Variants in SOX5 observed in about 807,000 individuals in gnomAD.
The protein encoded by SOX5 is SRY-box transcription factor 5.
Under a neutral mutation model 92.0 loss-of-function variants are expected in SOX5, and 9 were observed. The ratio of observed to expected loss-of-function variants is 0.10; its 90% CI spans 0.06 to 0.17. The LOEUF (loss-of-function observed/expected upper bound fraction) is 0.17, where lower values mean the gene tolerates loss of function less well. Among genes scored for constraint, SOX5 ranks in the 10% least tolerant of loss-of-function variants. SOX5 has a pLI of 1.00. For missense variants in SOX5, 642 were observed against 944.5 expected, an observed-to-expected ratio of 0.68 and a Z score of 4.20; for synonymous variants, 344 against 336.3, an observed-to-expected ratio of 1.02 and a Z score of -0.25.
chr12:24,152,567 C>T (rs1012238068), intron 4 of SOX5, among the ~76,000 whole-genome samples: 3 of 152,076 alleles, frequency 2.0e-5, no homozygotes, highest in Non-Finnish European at 2.9e-5. Context: ...AATAACAGAA[C>T]ATCACCTTTA....
Position 23,584,730 on chromosome 12 carries a change from A to AGT in SOX5, c.1165-8894_1165-8893dup, listed in dbSNP as rs34653390. 2.5e-3 allele frequency: 1,518 copies of AGT among 601,712 alleles called. 7 individuals are homozygous for AGT. Among genetic ancestry groups the AGT allele is most frequent in the African/African-American group, 0.018 (948 of 54,138 alleles). The allele number at this position is 601,712 out of a possible 1,614,324, so 37.3% of individuals were successfully genotyped here. A position where few individuals can be genotyped will look rare whatever the true frequency, so the allele number is the denominator to read the frequency against. ...AGAACCTTGGAGAAGGACAGGTGTG[A>AGT]GTGTGTGTGTGTGTGTGTATGTGTG... On this transcript the variant is annotated intron_variant, in intron 9 of 14. Coordinates refer to ENST00000451604, the MANE Select transcript of SOX5 (RefSeq NM_006940.6).
At chr12:23,567,366 C>A (rs1186455597) in intron 10 of SOX5, among the ~76,000 whole-genome samples, 1 of 151,146 alleles carries the variant, frequency 6.6e-6, no homozygotes. Flanking sequence ...TTCCAGTTAA[C>A]ATCTCAAATG....
At chr12:23,582,821 GA>G (rs1950227281) in intron 9 of SOX5, among the ~76,000 whole-genome samples, 1 of 151,980 alleles carries the variant, frequency 6.6e-6, no homozygotes, top group African/African-American at 2.4e-5. Context: ...TGTGGTTGGG[GA>G]CATGTTCTTC....
chr12:24,175,363 A>G (rs956586658), intron 4 of SOX5, among the ~76,000 whole-genome samples: 3 of 152,238 alleles, frequency 2.0e-5, no homozygotes, highest in Admixed American at 2.0e-4. Context: ...CCAAAAAAGT[A>G]CGATGGATAT....
chr12:24,221,358 AT>A (rs1402665553), intron 3 of SOX5, among the ~76,000 whole-genome samples: 1 of 152,080 alleles, frequency 6.6e-6, no homozygotes, highest in Non-Finnish European at 1.5e-5. Flanking sequence ...AACCATGTCT[AT>A]TTTGTTCATT....
chr12:23,554,211 T>C (rs1320855612), intron 11 of SOX5, among the ~76,000 whole-genome samples: 2 of 152,120 alleles, frequency 1.3e-5, no homozygotes, highest in African/African-American at 4.8e-5. Context: ...TTGTTTTTGC[T>C]TTCTTGGTTC....
chr12:24,528,093 T>C (rs1230515489), intron 1 of SOX5, among the ~76,000 whole-genome samples: 1 of 152,220 alleles, frequency 6.6e-6, no homozygotes, highest in Non-Finnish European at 1.5e-5. Flanking sequence ...GGGTCAAACA[T>C]AGGGAATGAA....
intron 4 of SOX5, among the ~76,000 whole-genome samples, chr12:24,209,886 C>G (rs1158250507): frequency 1.3e-5 from 2 of 149,522 alleles, no homozygotes; most frequent in Non-Finnish European, 3.0e-5. Context: ...GGCGTAGTGG[C>G]GGGCGCCTGT....
At chr12:23,572,487 G>A (rs946428735) in intron 10 of SOX5, among the ~76,000 whole-genome samples, 3 of 152,026 alleles carry the variant, frequency 2.0e-5, no homozygotes, top group African/African-American at 7.2e-5. Context: ...TTAGTAGTGG[G>A]GAAAGTCATG....
At chr12:23,559,778 G>A (rs1366396710) in intron 11 of SOX5, among the ~76,000 whole-genome samples, 1 of 152,114 alleles carries the variant, frequency 6.6e-6, no homozygotes, top group Admixed American at 6.5e-5. Context: ...TATCTTTTAT[G>A]TTGATGTAAA....
At chr12:23,578,167 A>G (rs936824525) in intron 9 of SOX5, among the ~76,000 whole-genome samples, 9 of 141,652 alleles carry the variant, frequency 6.4e-5, no homozygotes, top group Non-Finnish European at 1.1e-4. Context: ...GGGCAATATT[A>G]TCCCTAATTG....
At position 23,879,512 on chromosome 12, in the gene SOX5, G is replaced by A. The variant is rs1045331137; in HGVS notation, c.270+16281C>T. The stretch of plus-strand genomic sequence containing the variant: ...GTATGAACATAAGCAAATACTGAAC[G>A]TAAGCAAACTGCCTTGACATTAAAA... On this transcript the variant is annotated intron_variant, in intron 2 of 14. Coordinates refer to ENST00000451604, the MANE Select transcript of SOX5 (RefSeq NM_006940.6). Among the ~76,000 whole-genome samples the A allele has an allele frequency of 3.3e-5, 5 of 152,142 alleles. No homozygotes were observed. In the Middle Eastern group the frequency reaches 0.01, roughly 310 times the overall value.
intron 10 of SOX5, among the ~76,000 whole-genome samples, chr12:23,567,715 CA>C (rs1947389280): frequency 1.3e-5 from 2 of 152,084 alleles, no homozygotes; most frequent in South Asian, 2.1e-4. Flanking sequence ...CTTGGCCTCC[CA>C]AAGTGCTAGG....
intron 3 of SOX5, among the ~76,000 whole-genome samples, chr12:24,262,530 C>A (rs78419028): frequency 0.021 from 3,158 of 152,240 alleles, 46 homozygotes; most frequent in South Asian, 0.055. Flanking sequence ...TCTACATGGG[C>A]AAACATTAAA....
At chr12:23,764,501 T>C (rs960690205) in intron 3 of SOX5, among the ~76,000 whole-genome samples, 15 of 152,030 alleles carry the variant, frequency 9.9e-5, no homozygotes, top group African/African-American at 3.1e-4. Context: ...TGCAGCTTAG[T>C]AAAGATGAGA....
chr12:24,344,376 C>T (rs1210902490), intron 2 of SOX5, among the ~76,000 whole-genome samples: 1 of 150,964 alleles, frequency 6.6e-6, no homozygotes, highest in Non-Finnish European at 1.5e-5. Flanking sequence ...ATGGAGTGCT[C>T]TCATTGCTGC....
chr12:23,987,502 A>T (rs1449821409), intron 4 of SOX5, among the ~76,000 whole-genome samples: 1 of 152,094 alleles, frequency 6.6e-6, no homozygotes, highest in Non-Finnish European at 1.5e-5. Flanking sequence ...CCACAACTCC[A>T]TCATGAAGAG....
intron 4 of SOX5, among the ~76,000 whole-genome samples, chr12:24,146,200 T>A (rs895404547): frequency 1.3e-5 from 2 of 151,906 alleles, no homozygotes; most frequent in Non-Finnish European, 1.5e-5. Flanking sequence ...TTTCTCAGTC[T>A]GCATGGAATA....
At chr12:24,440,669 T>C (rs1436825807) in intron 1 of SOX5, among the ~76,000 whole-genome samples, 1 of 151,076 alleles carries the variant, frequency 6.6e-6, no homozygotes, top group Non-Finnish European at 1.5e-5. Flanking sequence ...TCAGCACCCT[T>C]AATTCTCTCT....
Sources: allele counts gnomAD v4.1 joint callset (sites outside exome capture counted in the v4.1 genomes callset), GRCh38; gene constraint gnomAD v4.1.1; transcripts MANE v1.5; gene names NCBI Gene and HGNC (gene_info 2026-07-23, HGNC 2026-07-21).